The following CERS5 variants were observed in gnomAD, a reference collection of about 807,000 sequenced individuals.
CERS5 encodes ceramide synthase 5.
CERS5 carries 37 observed loss-of-function variants against 58.9 expected under a neutral mutation model. The ratio of observed to expected loss-of-function variants is 0.63; its 90% confidence interval spans 0.48 to 0.83. The LOEUF (loss-of-function observed/expected upper bound fraction) is 0.83, where lower values mean the gene tolerates loss of function less well. Among genes scored for constraint, CERS5 ranks in the 40% least tolerant of loss-of-function variants. The pLI, the probability that CERS5 is intolerant of heterozygous loss-of-function variation, is 0.00. For missense variants in CERS5, 398 were observed against 489.3 expected (o/e 0.81, Z 1.76); for synonymous variants, 147 against 177.8 (o/e 0.83, Z 1.38).
chr12:50,136,627 G>A (rs746086829), intron 6 of CERS5, among the ~76,000 whole-genome samples: 2 of 152,186 alleles, frequency 1.3e-5, no homozygotes, highest in African/African-American at 4.8e-5. Context: ...TGCAGAATAC[G>A]TATAGCATGG....
chr12:50,138,734 A>G (rs1174441392), intron 4 of CERS5, 117 bp from the exon 5 acceptor site: 1 of 873,290 alleles, frequency 1.1e-6, no homozygotes, highest in Non-Finnish European at 2.0e-6. Flanking sequence ...AAAGCCCCCA[A>G]ACAGATTTTA....
chr12:50,134,249 C>T, intron 9 of CERS5: 2 of 466,414 alleles, frequency 4.3e-6, no homozygotes, highest in Non-Finnish European at 7.3e-6. Flanking sequence ...CGTGGTGGTG[C>T]ACACCTATAG....
chr12:50,165,733 C>T (rs2093606740), intron 1 of CERS5: 1 of 233,266 alleles, frequency 4.3e-6, no homozygotes, highest in Non-Finnish European at 8.7e-6. Context: ...GCAACATATT[C>T]CCATCCTAGA....
At position 50,134,071 on chromosome 12, in the gene CERS5, G is replaced by GAAAAAAAAAAAAAAAAAAAAAAAAAAA. The variant is rs57888855; in HGVS notation, c.1029+474_1029+475insTTTTTTTTTTTTTTTTTTTTTTTTTTT. On this transcript the variant is annotated intron_variant, in intron 9 of 9. Transcript: ENST00000317551. ...TGGGCAACAGAGCGAGATTCCATCT[G>GAAAAAAAAAAAAAAAAAAAAAAAAAAA]AAAAAAAAAAAAAAAAAAGGTAAAA... is the stretch of plus-strand genomic sequence containing the variant. The GAAAAAAAAAAAAAAAAAAAAAAAAAAA allele has an allele frequency of 2.5e-5, 2 of 79,548 alleles. 1 individual carries two copies. The highest frequency in any genetic ancestry group is 4.3e-5 in the Non-Finnish European group (2 of 46,644). The allele number at this position is 79,548 out of a possible 1,614,324, so 4.9% of individuals were successfully genotyped here. A position where few individuals can be genotyped will look rare whatever the true frequency, so the allele number is the denominator to read the frequency against.
chr12:50,131,809 A>G lies in CERS5; in HGVS notation c.1030-1115T>C, dbSNP rs192104483. Among the ~76,000 whole-genome samples the G allele has an allele frequency of 2.0e-3, 305 of 152,160 alleles. 3 individuals carry two copies. Among genetic ancestry groups the G allele is most frequent in the Middle Eastern group, 0.014 (4 of 294 alleles). ...TCAAGCAAAGTATTTCAATTTCTCC[A>G]CCATGAGCCAGGCACAGTGGCTTAC... On this transcript the variant is annotated intron_variant, in intron 9 of 9. Transcript: ENST00000317551.
At chr12:50,159,633 G>A (rs1446738218) in intron 1 of CERS5, among the ~76,000 whole-genome samples, 1 of 151,948 alleles carries the variant, frequency 6.6e-6, no homozygotes, top group Non-Finnish European at 1.5e-5. Context: ...TCGCTCTGTT[G>A]CCCAGGCTGG....
At chr12:50,132,337 G>A (rs1217705094) in intron 9 of CERS5, among the ~76,000 whole-genome samples, 3 of 152,054 alleles carry the variant, frequency 2.0e-5, no homozygotes, top group Non-Finnish European at 4.4e-5. Flanking sequence ...GGCAGGCAGA[G>A]GTTGCAGTGA....
Position 50,167,161 on chromosome 12 carries a change from T to C in CERS5, c.137A>G (p.His46Arg). 1 of 1,597,102 alleles carries C rather than the reference T, an allele frequency of 6.3e-7. No homozygotes were observed. Among genetic ancestry groups the C allele is most frequent in the African/African-American group, 1.4e-5 (1 of 73,534 alleles). ...ADGYGYPRGR[H>R]ILSVFPLAAG... The stretch of plus-strand genomic sequence containing the variant: ...CGCCAGCGGGAACACCGAGAGGATG[T>C]GCCGGCCGCGGGGGTAACCGTAGCC... The change falls in exon 1 of 10, where the codon CAC becomes CGC. Residue 46 changes from histidine (H) to arginine (R), a missense_variant. His to Arg is a conservative substitution (Grantham distance 29). Transcript: ENST00000317551.
chr12:50,151,623 T>C (rs1937969035), intron 1 of CERS5, among the ~76,000 whole-genome samples: 1 of 152,146 alleles, frequency 6.6e-6, no homozygotes, highest in Admixed American at 6.6e-5. Flanking sequence ...AGCTTAGCAC[T>C]TAGAACAATG....
At chr12:50,141,218 T>G (rs1489504477) in intron 4 of CERS5, among the ~76,000 whole-genome samples, 2 of 152,034 alleles carry the variant, frequency 1.3e-5, no homozygotes, top group East Asian at 3.9e-4. Context: ...GCCAGGCTAA[T>G]TTTTGTAGCT....
Position 50,143,056 on chromosome 12 carries a change from C to G in CERS5, c.434+18G>C, listed in dbSNP as rs1164030874. On this transcript the variant is annotated intron_variant, in intron 3 of 9. Coordinates refer to ENST00000317551, the MANE Select transcript of CERS5 (RefSeq NM_147190.5). ...CCACCGTCTTCCTTATTCCCTCCCT[C>G]CCTCCTTGCGTACTTACATGCTTTC... 1 of 1,588,096 alleles carries G rather than the reference C, an allele frequency of 6.3e-7. No homozygotes were observed. Among genetic ancestry groups the G allele is most frequent in the East Asian group, 2.3e-5 (1 of 44,400 alleles).
At chr12:50,131,839 A>G (rs184041550) in intron 9 of CERS5, among the ~76,000 whole-genome samples, 11 of 152,152 alleles carry the variant, frequency 7.2e-5, no homozygotes, top group African/African-American at 2.4e-4. Flanking sequence ...GCTTACACCT[A>G]TAATCCTAGC....
chr12:50,142,043 TA>T lies in CERS5; in HGVS notation c.492+9del. ...AACCCAACAGAGGACTAGAGAAAGT[TA>T]AGACTCACCGACCAGAGAAATCTAA... On this transcript the variant is annotated intron_variant, in intron 4 of 9. Coordinates refer to ENST00000317551, the MANE Select transcript of CERS5 (RefSeq NM_147190.5). 3 of 1,550,728 alleles carry T rather than the reference TA, an allele frequency of 1.9e-6. No individual in the cohort carries two copies. The highest frequency in any genetic ancestry group is 2.7e-6 in the Non-Finnish European group (3 of 1,122,872).
At chr12:50,156,030 G>A (rs1938558689) in intron 1 of CERS5, among the ~76,000 whole-genome samples, 1 of 144,480 alleles carries the variant, frequency 6.9e-6, no homozygotes, top group Non-Finnish European at 1.5e-5. Flanking sequence ...AACCTGGGAA[G>A]CAGAGGTTGC....
At chr12:50,152,334 T>C (rs1176709234) in intron 1 of CERS5, among the ~76,000 whole-genome samples, 1 of 152,260 alleles carries the variant, frequency 6.6e-6, no homozygotes, top group Non-Finnish European at 1.5e-5. Context: ...TACTATACTG[T>C]AGAGCTAGGT....
intron 1 of CERS5, chr12:50,145,156 AAGAAGAAGAAT>A (rs1952197701): frequency 8.0e-6 from 1 of 125,400 alleles, no homozygotes; most frequent in Admixed American, 8.9e-5. Flanking sequence ...AAAAAAAAAA[AAGAAGAAGAAT>A]AAAAAATAAA....
intron 6 of CERS5, 41 bp from the exon 7 acceptor site, chr12:50,136,110 G>A: frequency 6.9e-7 from 1 of 1,458,866 alleles, no homozygotes; most frequent in South Asian, 1.6e-5. Context: ...TAAAAGCTGG[G>A]CCCTAGAAAC....
chr12:50,151,051 A>AAC (rs1207603019), intron 1 of CERS5, among the ~76,000 whole-genome samples: 1 of 152,084 alleles, frequency 6.6e-6, no homozygotes, highest in Non-Finnish European at 1.5e-5. Context: ...CCTCACTCTC[A>AAC]ACTTTGTTCT....
intron 5 of CERS5, 34 bp downstream of exon 5, chr12:50,138,533 C>A (rs748822477): frequency 6.3e-7 from 1 of 1,590,266 alleles, no homozygotes; most frequent in Admixed American, 1.7e-5. Context: ...TATACACATT[C>A]AAGACCCCTA....
Sources: allele counts gnomAD v4.1 joint callset (sites outside exome capture counted in the v4.1 genomes callset), GRCh38; gene constraint gnomAD v4.1.1; transcripts MANE v1.5; gene names NCBI Gene and HGNC (gene_info 2026-07-23, HGNC 2026-07-21).